Variants in RBMS3 observed in about 807,000 individuals in gnomAD.
RBMS3 encodes the protein RNA binding motif single stranded interacting protein 3, also known as RNA-binding motif, single-stranded-interacting protein 3.
Under a neutral mutation model 66.8 loss-of-function variants are expected in RBMS3, and 27 were observed. The observed-to-expected ratio is 0.40, with a 90% confidence interval of 0.30 to 0.56. RBMS3 has a LOEUF of 0.56. Among genes scored for constraint, RBMS3 ranks in the 20% least tolerant of loss-of-function variants. The probability of loss-of-function intolerance (pLI) is 0.40; values close to 1 mark genes in which losing one functional copy is unlikely to be tolerated. For missense variants in RBMS3, 513 were observed against 549.5 expected (o/e 0.93, Z 0.66); for synonymous variants, 188 against 183.0 (o/e 1.03, Z -0.22).
intron 4 of RBMS3, among the ~76,000 whole-genome samples, chr3:29,605,983 T>C (rs982663134): frequency 1.3e-5 from 2 of 149,644 alleles, no homozygotes; most frequent in African/African-American, 2.5e-5. Flanking sequence ...TTTTTTTTTT[T>C]CTAACTCCTT....
chr3:29,503,082 C>T (rs2044039062), intron 3 of RBMS3, among the ~76,000 whole-genome samples: 1 of 152,020 alleles, frequency 6.6e-6, no homozygotes, highest in South Asian at 2.1e-4. Context: ...GTTTGGGGGT[C>T]ATTATCTTCT....
chr3:29,787,002 A>T, intron 6 of RBMS3, among the ~76,000 whole-genome samples: 1 of 152,280 alleles, frequency 6.6e-6, no homozygotes, highest in East Asian at 1.9e-4. Flanking sequence ...AAACAACCCC[A>T]TCAAAAAGTG....
intron 3 of RBMS3, among the ~76,000 whole-genome samples, chr3:29,528,523 T>G (rs1318183367): frequency 6.6e-6 from 1 of 152,198 alleles, no homozygotes; most frequent in Admixed American, 6.5e-5. Flanking sequence ...GTCTTTGATA[T>G]GTCAGATGTT....
At chr3:29,576,367 T>C (rs973171843) in intron 3 of RBMS3, among the ~76,000 whole-genome samples, 1 of 152,138 alleles carries the variant, frequency 6.6e-6, no homozygotes, top group Non-Finnish European at 1.5e-5. Flanking sequence ...GGTGTGGTGA[T>C]GCACTGGGAT....
At chr3:29,831,530 T>A (rs1046407926) in intron 6 of RBMS3, among the ~76,000 whole-genome samples, 1 of 152,074 alleles carries the variant, frequency 6.6e-6, no homozygotes, top group African/African-American at 2.4e-5. Flanking sequence ...TATAAGGAAA[T>A]GTAAAACCCA....
At chr3:29,933,448 T>A (rs1010815504) in intron 10 of RBMS3, among the ~76,000 whole-genome samples, 1 of 151,134 alleles carries the variant, frequency 6.6e-6, no homozygotes. Flanking sequence ...CCAGACAAAG[T>A]ATCATTAAGA....
At chr3:29,510,443 C>T (rs940719044) in intron 3 of RBMS3, among the ~76,000 whole-genome samples, 4 of 152,186 alleles carry the variant, frequency 2.6e-5, no homozygotes, top group African/African-American at 7.2e-5. Flanking sequence ...ATAGAGGGTT[C>T]CCTGCCTAGG....
intron 4 of RBMS3, among the ~76,000 whole-genome samples, chr3:29,669,877 C>T (rs1252992722): frequency 2.6e-5 from 4 of 152,194 alleles, no homozygotes; most frequent in South Asian, 4.1e-4. Flanking sequence ...CTAGCAAGTG[C>T]GCTTTCATAG....
chr3:29,986,804 G>T (rs1009440538), intron 12 of RBMS3, among the ~76,000 whole-genome samples: 1 of 152,108 alleles, frequency 6.6e-6, no homozygotes, highest in Non-Finnish European at 1.5e-5. Context: ...TTAACCAGGT[G>T]TGGTGGCACA....
chr3:29,859,076 C>A (rs758034097), intron 6 of RBMS3, among the ~76,000 whole-genome samples: 1 of 152,070 alleles, frequency 6.6e-6, no homozygotes, highest in Non-Finnish European at 1.5e-5. Flanking sequence ...ATTTTTTCAA[C>A]GTATGCTATT....
intron 4 of RBMS3, among the ~76,000 whole-genome samples, chr3:29,612,411 A>G (rs910543806): frequency 6.6e-6 from 1 of 152,062 alleles, no homozygotes; most frequent in Non-Finnish European, 1.5e-5. Flanking sequence ...CCCTGTATTA[A>G]TGAATATCAA....
chr3:29,981,010 A>G (rs1040462746), intron 12 of RBMS3, among the ~76,000 whole-genome samples: 1 of 152,170 alleles, frequency 6.6e-6, no homozygotes, highest in African/African-American at 2.4e-5. Context: ...GAATCTATAA[A>G]TTACTTTGGG....
At chr3:29,997,617 C>A (rs547488033) in intron 14 of RBMS3, among the ~76,000 whole-genome samples, 1 of 151,138 alleles carries the variant, frequency 6.6e-6, no homozygotes, top group Non-Finnish European at 1.5e-5. Context: ...GTTCAATATA[C>A]GCAAATCAAT....
intron 2 of RBMS3, among the ~76,000 whole-genome samples, chr3:29,451,138 G>A (rs9872454): frequency 6.6e-6 from 1 of 151,960 alleles, no homozygotes; most frequent in African/African-American, 2.4e-5. Flanking sequence ...GAATGTTTCT[G>A]ACATCTTATA....
In RBMS3 at chr3:30,009,084, A is replaced by G. The variant is rs1015870532; in HGVS notation, c.*5222A>G. 1 of 152,108 alleles carries G rather than the reference A, an allele frequency of 6.6e-6. No individual in the cohort carries two copies. The highest frequency in any genetic ancestry group is 6.5e-5 in the Admixed American group (1 of 15,272). 9.4% of individuals were successfully genotyped at this position (152,108 alleles called of 1,614,324 possible). ...AATTTTCTTCCACTTAGAAAGCTTT[A>G]AAGCTGAAGTAGAGGTGCAGTCAAG... is the stretch of plus-strand genomic sequence containing the variant. On this transcript the variant is annotated 3_prime_UTR_variant, in exon 15 of 15. Transcript: ENST00000383767.
At chr3:29,519,385 G>C (rs1185018459) in intron 3 of RBMS3, among the ~76,000 whole-genome samples, 1 of 152,124 alleles carries the variant, frequency 6.6e-6, no homozygotes, top group East Asian at 1.9e-4. Context: ...TGGGATGCAA[G>C]GTGAAGAAGA....
intron 11 of RBMS3, among the ~76,000 whole-genome samples, chr3:29,939,836 T>A (rs1444894086): frequency 1.3e-5 from 2 of 151,824 alleles, no homozygotes; most frequent in East Asian, 3.9e-4. Context: ...TCTAATAATT[T>A]CAGACTCATT....
chr3:29,587,648 T>TA (rs1264527822), intron 4 of RBMS3, among the ~76,000 whole-genome samples: 1 of 151,722 alleles, frequency 6.6e-6, no homozygotes, highest in South Asian at 2.1e-4. Flanking sequence ...AACTGTGTGC[T>TA]AAAAAAAGTG....
chr3:29,785,508 G>T (rs762717891), intron 6 of RBMS3, among the ~76,000 whole-genome samples: 2 of 151,872 alleles, frequency 1.3e-5, no homozygotes, highest in Non-Finnish European at 2.9e-5. Context: ...CAAATCTGGA[G>T]GCATCACATT....
Sources: allele counts gnomAD v4.1 joint callset (sites outside exome capture counted in the v4.1 genomes callset), GRCh38; gene constraint gnomAD v4.1.1; transcripts MANE v1.5; gene names NCBI Gene and HGNC (gene_info 2026-07-23, HGNC 2026-07-21).